Variants in ATP11A observed in about 807,000 individuals in gnomAD.
ATP11A encodes ATPase phospholipid transporting 11A.
A neutral mutation model predicts 154.4 loss-of-function variants in ATP11A; 81 were observed. The observed-to-expected ratio is 0.52, with a 90% confidence interval of 0.44 to 0.63. The LOEUF (loss-of-function observed/expected upper bound fraction) is 0.63, where lower values mean the gene tolerates loss of function less well. ATP11A is among the 30% of genes least tolerant of loss of function. The probability of loss-of-function intolerance (pLI) is 0.00; values close to 1 mark genes in which losing one functional copy is unlikely to be tolerated. For missense variants in ATP11A, 1,316 were observed against 1,474.3 expected (o/e 0.89, Z 1.76); for synonymous variants, 623 against 585.9 (o/e 1.06, Z -0.91).
At position 112,862,691 on chromosome 13, in the gene ATP11A, G is replaced by A. The variant is rs557405062; in HGVS notation, c.2991+116G>A. ...GCAGCCCATGCAGCTTCCCAGCGGG[G>A]TCCATCACCACCTGCGCAGTAATTC... On this transcript the variant is annotated intron_variant, in intron 25 of 29. Coordinates refer to ENST00000375645, the MANE Select transcript of ATP11A (RefSeq NM_015205.3). 2,041 of 1,375,838 alleles carry A rather than the reference G, an allele frequency of 1.5e-3. 3 individuals carry two copies. Among genetic ancestry groups the A allele is most frequent in the Non-Finnish European group, 1.9e-3 (1,872 of 1,004,866 alleles). The allele number at this position is 1,375,838 out of a possible 1,614,324, so 85.2% of individuals were successfully genotyped here.
At chr13:112,715,177 G>A (rs904520093) in intron 1 of ATP11A, among the ~76,000 whole-genome samples, 11 of 151,836 alleles carry the variant, frequency 7.2e-5, no homozygotes, top group East Asian at 5.8e-4. Flanking sequence ...TGTTTCCTGC[G>A]GCAGCTTTTC....
At position 112,785,383 on chromosome 13, in the gene ATP11A, C is replaced by G. The variant is rs1190651566; in HGVS notation, c.162+126C>G. On this transcript the variant is annotated intron_variant, in intron 2 of 29. Transcript: ENST00000375645. This position sits in a 1 kb window ranked among gnomAD's most constrained non-coding sequence, Gnocchi z 4.8. ...CTGCTGTCACAGCCACCAGCCACCC[C>G]CAGCAAGGGCTTCGGATCAGGACCT... 1.7e-6 allele frequency: 2 copies of G among 1,147,816 alleles called. No homozygotes were observed. The highest frequency in any genetic ancestry group is 6.6e-5 in the Admixed American group (2 of 30,248). 71.1% of individuals were successfully genotyped at this position (1,147,816 alleles called of 1,614,324 possible).
At position 112,794,782 on chromosome 13, in the gene ATP11A, C is replaced by T. The variant is rs184256736; in HGVS notation, c.162+9525C>T. Among the ~76,000 whole-genome samples, 764 of 152,206 alleles carry T rather than the reference C, an allele frequency of 5.0e-3. 3 individuals carry two copies. Among genetic ancestry groups the T allele is most frequent in the Non-Finnish European group, 8.2e-3 (558 of 68,012 alleles). ...ACTCGGGAGGTTGAGGCAGGAAAAT[C>T]GCTTGAACCCGGGAGGCAGAGGTTG... On this transcript the variant is annotated intron_variant, in intron 2 of 29. Transcript: ENST00000375645.
intron 24 of ATP11A, 119 bp from the exon 25 acceptor site, chr13:112,862,321 C>T (rs991690026): frequency 2.4e-6 from 3 of 1,228,720 alleles, no homozygotes; most frequent in Non-Finnish European, 2.2e-6. Context: ...TTGATGTTTA[C>T]TGGCCGTGCA....
chr13:112,773,788 AGTGGCGATCT>A (rs1465094246), intron 1 of ATP11A, among the ~76,000 whole-genome samples: 1 of 152,220 alleles, frequency 6.6e-6, no homozygotes, highest in Admixed American at 6.5e-5. Flanking sequence ...CGCGTGTGTG[AGTGGCGATCT>A]GCGTCTGTGG....
intron 18 of ATP11A, 125 bp from the exon 19 acceptor site, chr13:112,854,153 TG>T: frequency 8.0e-7 from 1 of 1,252,862 alleles, no homozygotes; most frequent in Non-Finnish European, 1.1e-6. Context: ...AGCCACAGTG[TG>T]GAGTGTTTTG....
intron 16 of ATP11A, among the ~76,000 whole-genome samples, chr13:112,837,552 G>A (rs2079271533): frequency 6.6e-6 from 1 of 152,178 alleles, no homozygotes; most frequent in East Asian, 1.9e-4. Context: ...TCCACGCAGC[G>A]TCAGAGCAGG....
At chr13:112,861,027 G>T (rs1178089451) in intron 24 of ATP11A, among the ~76,000 whole-genome samples, 1 of 152,162 alleles carries the variant, frequency 6.6e-6, no homozygotes, top group Non-Finnish European at 1.5e-5. Context: ...AGTTCCACAT[G>T]GCTGGGGAGG....
rs1426315393 is a variant in ATP11A, at chr13:112,690,456, G to C, written c.39+1G>C. 1.5e-6 allele frequency: 2 copies of C among 1,351,526 alleles called. No homozygotes were observed. The highest frequency in any genetic ancestry group is 1.9e-6 in the Non-Finnish European group (2 of 1,049,292). 83.7% of individuals were successfully genotyped at this position (1,351,526 alleles called of 1,614,324 possible). The stretch of plus-strand genomic sequence containing the variant: ...CGTGCGGACGCTCGTGCACAGATAC[G>C]TGAGTGCTCCCGGCGCGGGCTGGGG... On this transcript the variant is annotated splice_donor_variant, in intron 1 of 29. Coordinates refer to ENST00000375645, the MANE Select transcript of ATP11A (RefSeq NM_015205.3). LOFTEE classifies it high-confidence loss of function. This position sits in a 1 kb window ranked among gnomAD's most constrained non-coding sequence, Gnocchi z 5.6.
chr13:112,834,454 C>T, intron 14 of ATP11A, 135 bp from the exon 15 acceptor site: 4 of 649,790 alleles, frequency 6.2e-6, no homozygotes, highest in Admixed American at 2.4e-5. Context: ...CTTTATAATG[C>T]AGTTTATAAT....
intron 19 of ATP11A, among the ~76,000 whole-genome samples, chr13:112,855,532 C>G (rs185158167): frequency 5.3e-5 from 8 of 152,292 alleles, no homozygotes; most frequent in Non-Finnish European, 8.8e-5. Flanking sequence ...TTCTTTCCAA[C>G]TTAGGTCATC....
At chr13:112,777,534 A>G (rs1307136067) in intron 1 of ATP11A, among the ~76,000 whole-genome samples, 1 of 152,240 alleles carries the variant, frequency 6.6e-6, no homozygotes, top group East Asian at 1.9e-4. Context: ...ATTGCACTCC[A>G]GCCTGGGGGA....
Position 112,756,796 on chromosome 13 carries a change from C to G in ATP11A, c.40-28339C>G, listed in dbSNP as rs578083866. 1.3e-3 allele frequency among the ~76,000 whole-genome samples: 190 copies of G among 151,946 alleles called. No individual in the cohort carries two copies. The East Asian group carries it at 0.013, about 10-fold the overall frequency. ...AGCAGCCAGAGCAGCTTGTGGCAGC[C>G]GGGGCCTGCTCCCAGCGAGGGGTCT... On this transcript the variant is annotated intron_variant, in intron 1 of 29. Coordinates refer to ENST00000375645, the MANE Select transcript of ATP11A (RefSeq NM_015205.3).
At chr13:112,842,930 T>C (rs1421243585) in intron 17 of ATP11A, among the ~76,000 whole-genome samples, 1 of 152,252 alleles carries the variant, frequency 6.6e-6, no homozygotes, top group African/African-American at 2.4e-5. Context: ...TCTTTGGGGC[T>C]GCTGCGGTAG....
intron 1 of ATP11A, among the ~76,000 whole-genome samples, chr13:112,778,230 G>A (rs941679031): frequency 6.6e-6 from 1 of 152,258 alleles, no homozygotes; most frequent in East Asian, 1.9e-4. Context: ...GCCTCCACGT[G>A]CCTCTCATCA....
chr13:112,819,524 T>C, intron 7 of ATP11A, 117 bp downstream of exon 7: 1 of 814,858 alleles, frequency 1.2e-6, no homozygotes, highest in Non-Finnish European at 2.0e-6. Flanking sequence ...TGTAAATCAC[T>C]GCTTAAAGAT....
At chr13:112,717,540 G>A (rs1888607671) in intron 1 of ATP11A, 1 of 152,192 alleles carries the variant, frequency 6.6e-6, no homozygotes. Context: ...GATGCTTCTG[G>A]TCTGAATGTA....
At chr13:112,821,869 G>A (rs1008981764) in intron 8 of ATP11A, among the ~76,000 whole-genome samples, 1 of 152,218 alleles carries the variant, frequency 6.6e-6, no homozygotes, top group Non-Finnish European at 1.5e-5. Flanking sequence ...TATTATAAGT[G>A]TGTTGCAAAC....
intron 1 of ATP11A, among the ~76,000 whole-genome samples, chr13:112,693,214 C>G (rs1885392725): frequency 6.6e-6 from 1 of 152,088 alleles, no homozygotes; most frequent in South Asian, 2.1e-4. Flanking sequence ...TTGGATGGAC[C>G]GGAGCCATGC....
Sources: gnomAD v4.1 joint callset for allele counts (sites outside exome capture counted in the v4.1 genomes callset) on GRCh38, gnomAD v4.1.1 for gene constraint, Gnocchi (gnomAD v3.1) non-coding constraint, MANE v1.5 for transcripts, NCBI Gene and HGNC (gene_info 2026-07-23, HGNC 2026-07-21) for gene names.